EGFLAM: variants seen among roughly 807,000 people sequenced by gnomAD.
EGFLAM encodes pikachurin.
In EGFLAM, 79 loss-of-function variants were observed where a neutral mutation model predicts 113.1. That is an observed-to-expected ratio of 0.70 (90% CI 0.58 to 0.84). EGFLAM has a LOEUF of 0.84. Ranked by LOEUF, EGFLAM falls within the 40% of genes least tolerant of loss-of-function variation. EGFLAM has a pLI of 0.00. For missense variants in EGFLAM, 1,265 were observed against 1,291.6 expected, an observed-to-expected ratio of 0.98 and a Z score of 0.32; for synonymous variants, 504 against 487.6, an observed-to-expected ratio of 1.03 and a Z score of -0.44.
chr5:38,327,653 G>T (rs1227868387), intron 1 of EGFLAM, among the ~76,000 whole-genome samples: 1 of 151,770 alleles, frequency 6.6e-6, no homozygotes, highest in Non-Finnish European at 1.5e-5. Flanking sequence ...TTTATAGAAG[G>T]GTTGGGTAGT....
At chr5:38,342,543 G>C (rs1243867509) in intron 3 of EGFLAM, among the ~76,000 whole-genome samples, 1 of 152,202 alleles carries the variant, frequency 6.6e-6, no homozygotes, top group Non-Finnish European at 1.5e-5. Context: ...ATAATGTGGA[G>C]TTGGGCTGCA....
chr5:38,458,240 C>A lies in EGFLAM; in HGVS notation c.2688-71C>A, dbSNP rs1743154133. The A allele has an allele frequency of 2.1e-6, 3 of 1,420,814 alleles. No homozygotes were observed. The South Asian group carries it at 4.2e-5, about 20-fold the overall frequency. The allele number at this position is 1,420,814 out of a possible 1,614,324, so 88.0% of individuals were successfully genotyped here. On this transcript the variant is annotated intron_variant, in intron 19 of 21. Coordinates refer to ENST00000322350, the MANE Select transcript of EGFLAM (RefSeq NM_152403.4). The stretch of plus-strand genomic sequence containing the variant: ...AAAGAACTTTTGCCCTGAGAATCGT[C>A]TGTGAACCGTGTCTGCTTATGCCTC...
chr5:38,323,974 G>A (rs554437856), intron 1 of EGFLAM, among the ~76,000 whole-genome samples: 64 of 151,214 alleles, frequency 4.2e-4, no homozygotes, highest in African/African-American at 1.4e-3. Context: ...CCCAGGAGGC[G>A]GAGGTTGCAG....
At chr5:38,446,046 T>G (rs1342510574) in intron 17 of EGFLAM, among the ~76,000 whole-genome samples, 1 of 151,986 alleles carries the variant, frequency 6.6e-6, no homozygotes, top group Non-Finnish European at 1.5e-5. Context: ...GCGGTACCTC[T>G]CCCCCGTGGG....
intron 1 of EGFLAM, among the ~76,000 whole-genome samples, chr5:38,269,467 C>T (rs1343757905): frequency 6.6e-6 from 1 of 151,226 alleles, no homozygotes; most frequent in Non-Finnish European, 1.5e-5. Context: ...CAAATTGATA[C>T]AGTTGGTTGA....
intron 10 of EGFLAM, among the ~76,000 whole-genome samples, chr5:38,411,844 G>C (rs1741490509): frequency 6.6e-6 from 1 of 151,924 alleles, no homozygotes; most frequent in Non-Finnish European, 1.5e-5. Context: ...GTTTCACTCT[G>C]TTGCCCAGGC....
At chr5:38,414,444 A>C (rs546861210) in intron 11 of EGFLAM, among the ~76,000 whole-genome samples, 68 of 152,338 alleles carry the variant, frequency 4.5e-4, no homozygotes, top group Non-Finnish European at 8.7e-4. Flanking sequence ...AGCTGTTAAC[A>C]AACAGGGTCA....
At position 38,464,411 on chromosome 5, in the gene EGFLAM, G is replaced by T. The variant is rs1743400584; in HGVS notation, c.*425G>T. 5.8e-6 allele frequency: 1 copy of T among 173,196 alleles called. No individual in the cohort carries two copies. Among genetic ancestry groups the T allele is most frequent in the African/African-American group, 2.4e-5 (1 of 42,302 alleles). The allele number at this position is 173,196 out of a possible 1,614,324, so 10.7% of individuals were successfully genotyped here. On this transcript the variant is annotated 3_prime_UTR_variant, in exon 22 of 22. Transcript: ENST00000322350. ...CTGACTCATGACACTCTTCCTGACA[G>T]CAGAATGACTGTGTGACCTTGAACT... is the stretch of plus-strand genomic sequence containing the variant.
intron 6 of EGFLAM, among the ~76,000 whole-genome samples, chr5:38,400,505 A>G (rs2112109544): frequency 6.6e-6 from 1 of 152,298 alleles, no homozygotes; most frequent in South Asian, 2.1e-4. Flanking sequence ...AATTCTTATC[A>G]CTGGCTTGGA....
At chr5:38,383,466 G>A (rs1740570833) in intron 6 of EGFLAM, among the ~76,000 whole-genome samples, 1 of 150,330 alleles carries the variant, frequency 6.7e-6, no homozygotes, top group Admixed American at 6.6e-5. Context: ...TGATGTTCAA[G>A]AAAGTAAAGA....
At chr5:38,458,253 C>A (rs375560970) in intron 19 of EGFLAM, 58 bp from the exon 20 acceptor site, 2 of 1,505,926 alleles carry the variant, frequency 1.3e-6, no homozygotes, top group African/African-American at 1.4e-5. Context: ...TGAACCGTGT[C>A]TGCTTATGCC....
chr5:38,375,853 GA>G (rs1158499779), intron 6 of EGFLAM, among the ~76,000 whole-genome samples: 4 of 150,824 alleles, frequency 2.7e-5, no homozygotes, highest in East Asian at 1.9e-4. Context: ...AGAACAGGAA[GA>G]AAAAAAAATG....
chr5:38,316,942 T>G (rs1738608964), intron 1 of EGFLAM, among the ~76,000 whole-genome samples: 1 of 152,198 alleles, frequency 6.6e-6, no homozygotes, highest in Non-Finnish European at 1.5e-5. Context: ...GTGGTTGATG[T>G]GACTTCTGCC....
At chr5:38,448,433 T>C in intron 18 of EGFLAM, 54 bp downstream of exon 18, 2 of 1,565,894 alleles carry the variant, frequency 1.3e-6, no homozygotes, top group East Asian at 2.2e-5. Context: ...AATTTCTCTA[T>C]ATCTTTCTCA....
At chr5:38,458,854 G>T (rs1055955388) in intron 20 of EGFLAM, among the ~76,000 whole-genome samples, 3 of 151,910 alleles carry the variant, frequency 2.0e-5, no homozygotes, top group African/African-American at 7.3e-5. Context: ...GGTGGCACAC[G>T]CCTGTAATCC....
At chr5:38,460,551 C>T (rs1241152586) in intron 20 of EGFLAM, among the ~76,000 whole-genome samples, 2 of 152,192 alleles carry the variant, frequency 1.3e-5, no homozygotes, top group Non-Finnish European at 2.9e-5. Flanking sequence ...AGCTGGGCAC[C>T]ATGCAGATGG....
chr5:38,408,462 C>A (rs1741364980), intron 9 of EGFLAM, among the ~76,000 whole-genome samples: 1 of 152,134 alleles, frequency 6.6e-6, no homozygotes, highest in African/African-American at 2.4e-5. Context: ...GTCTGGAGGT[C>A]TGGAAAGAAG....
At chr5:38,303,386 A>C (rs927974832) in intron 1 of EGFLAM, among the ~76,000 whole-genome samples, 14 of 152,334 alleles carry the variant, frequency 9.2e-5, no homozygotes, top group African/African-American at 3.1e-4. Flanking sequence ...AAATATTATA[A>C]AGATGCTTGG....
Position 38,448,115 on chromosome 5 carries a change from C to T in EGFLAM, c.2465-186C>T, listed in dbSNP as rs913954710. The stretch of plus-strand genomic sequence containing the variant: ...CCAGGAGGGAAAAATGGGGGAGAAG[C>T]CAACCCCAGGCCATGGGGTTGGGCA... On this transcript the variant is annotated intron_variant, in intron 17 of 21. Transcript: ENST00000322350. 7 of 621,464 alleles carry T rather than the reference C, an allele frequency of 1.1e-5. No individual in the cohort carries two copies. The African/African-American group carries it at 1.3e-4, about 11-fold the overall frequency. The allele number at this position is 621,464 out of a possible 1,614,324, so 38.5% of individuals were successfully genotyped here. A position where few individuals can be genotyped will look rare whatever the true frequency, so the allele number is the denominator to read the frequency against.
Sources: allele counts gnomAD v4.1 joint callset (sites outside exome capture counted in the v4.1 genomes callset), GRCh38; gene constraint gnomAD v4.1.1; transcripts MANE v1.5; gene names NCBI Gene and HGNC (gene_info 2026-07-23, HGNC 2026-07-21).